Variants in UGGT2 observed in about 807,000 individuals in gnomAD.
The protein encoded by UGGT2 is UDP-glucose glycoprotein glucosyltransferase 2, also known as UDP-glucose:glycoprotein glucosyltransferase 2.
In UGGT2, 180 loss-of-function variants were observed where a neutral mutation model predicts 192.1. The observed-to-expected ratio is 0.94, with a 90% confidence interval of 0.83 to 1.06. The LOEUF (loss-of-function observed/expected upper bound fraction) is 1.06. Ranked by LOEUF, UGGT2 falls within the 50% of genes least tolerant of loss-of-function variation. The pLI is 0.00. For missense variants in UGGT2, 1,849 were observed against 1,795.7 expected, an observed-to-expected ratio of 1.03 and a Z score of -0.54; for synonymous variants, 580 against 591.0, an observed-to-expected ratio of 0.98 and a Z score of 0.27.
At chr13:95,925,813 T>C (rs2048998503) in intron 19 of UGGT2, 39 bp from the exon 20 acceptor site, 1 of 1,430,500 alleles carries the variant, frequency 7.0e-7, no homozygotes, top group Non-Finnish European at 9.4e-7. Context: ...TAACTTTTTT[T>C]TTAAAAAATA....
Position 95,957,592 on chromosome 13 carries a change from T to C in UGGT2, c.1336-8138A>G, listed in dbSNP as rs372171545. On this transcript the variant is annotated intron_variant, in intron 12 of 38. Transcript: ENST00000376747. Reference sequence around the variant, plus strand: ...AGAGACAACTCAGGGAAATGGGGCTTTGCAGAGTGTGGGGACAATGGGAGC... The same window carrying C: ...AGAGACAACTCAGGGAAATGGGGCTCTGCAGAGTGTGGGGACAATGGGAGC... Among the ~76,000 whole-genome samples the C allele has an allele frequency of 8.8e-4, 134 of 152,320 alleles. 4 individuals are homozygous for C. In the South Asian group the frequency reaches 0.027, roughly 30 times the overall value.
At chr13:95,813,938 T>C (rs368757435) in intron 38 of UGGT2, among the ~76,000 whole-genome samples, 1 of 152,198 alleles carries the variant, frequency 6.6e-6, no homozygotes, top group East Asian at 1.9e-4. Context: ...GTGCAAGCCA[T>C]TAGCCTCAGT....
intron 17 of UGGT2, 101 bp from the exon 18 acceptor site, chr13:95,927,437 A>C (rs2049055686): frequency 1.9e-6 from 2 of 1,027,962 alleles, no homozygotes; most frequent in Non-Finnish European, 2.7e-6. Context: ...AAAATAAATA[A>C]GCAATTTAGA....
chr13:95,835,800 A>G (rs1887216465), intron 37 of UGGT2, among the ~76,000 whole-genome samples: 1 of 152,250 alleles, frequency 6.6e-6, no homozygotes, highest in Admixed American at 6.5e-5. Flanking sequence ...CAACAAATAA[A>G]TTACTTTGAA....
At chr13:95,934,325 G>T (rs1254092419) in intron 17 of UGGT2, among the ~76,000 whole-genome samples, 1 of 152,194 alleles carries the variant, frequency 6.6e-6, no homozygotes, top group Non-Finnish European at 1.5e-5. Flanking sequence ...CAGCTGAAAA[G>T]AATAAATATT....
chr13:95,863,761 T>G, intron 30 of UGGT2, 47 bp from the exon 31 acceptor site: 1 of 1,441,434 alleles, frequency 6.9e-7, no homozygotes, highest in South Asian at 1.1e-5. Flanking sequence ...CTTTAAATAT[T>G]GTGCTGTATG....
intron 38 of UGGT2, among the ~76,000 whole-genome samples, chr13:95,813,111 T>G (rs1394838960): frequency 6.6e-6 from 1 of 152,174 alleles, no homozygotes; most frequent in East Asian, 1.9e-4. Context: ...AGAAAATTGG[T>G]ACCAAGGAGT....
intron 8 of UGGT2, among the ~76,000 whole-genome samples, chr13:95,989,054 A>G (rs1260537118): frequency 6.6e-6 from 1 of 152,140 alleles, no homozygotes; most frequent in Non-Finnish European, 1.5e-5. Context: ...GAGTTGGGAA[A>G]TGAGGAGTGA....
intron 20 of UGGT2, among the ~76,000 whole-genome samples, chr13:95,908,518 G>C (rs1348286384): frequency 2.0e-5 from 3 of 152,012 alleles, no homozygotes; most frequent in Non-Finnish European, 4.4e-5. Context: ...CTGAGGAATC[G>C]CCACACTGAC....
intron 1 of UGGT2, among the ~76,000 whole-genome samples, chr13:96,037,702 C>T (rs2053045696): frequency 6.6e-6 from 1 of 152,202 alleles, no homozygotes; most frequent in Admixed American, 6.5e-5. Context: ...ATTTCCCTCA[C>T]TTGCTCCCAC....
chr13:95,854,184 A>G (rs570920194), intron 35 of UGGT2, 131 bp downstream of exon 35: 2 of 928,302 alleles, frequency 2.2e-6, no homozygotes, highest in South Asian at 1.9e-5. Context: ...ACTGGCATGA[A>G]ATGAACACTA....
At chr13:95,911,869 A>T (rs1259664041) in intron 20 of UGGT2, among the ~76,000 whole-genome samples, 1 of 152,240 alleles carries the variant, frequency 6.6e-6, no homozygotes. Flanking sequence ...CCAGCAGCAC[A>T]TCAAAAAGCT....
At chr13:95,986,088 G>C (rs2051280834) in intron 9 of UGGT2, among the ~76,000 whole-genome samples, 1 of 151,824 alleles carries the variant, frequency 6.6e-6, no homozygotes, top group African/African-American at 2.4e-5. Flanking sequence ...AAATTTTTTA[G>C]GACTTTTTTT....
intron 36 of UGGT2, among the ~76,000 whole-genome samples, chr13:95,846,608 C>T (rs1345927285): frequency 1.3e-5 from 2 of 152,126 alleles, no homozygotes; most frequent in African/African-American, 2.4e-5. Context: ...GAAAAATATT[C>T]CCTTCTCTTC....
chr13:95,837,430 CT>C (rs1256797312), intron 36 of UGGT2, among the ~76,000 whole-genome samples: 2 of 152,198 alleles, frequency 1.3e-5, no homozygotes, highest in African/African-American at 4.8e-5. Context: ...GACTCTACCC[CT>C]GGGAACAAGG....
intron 2 of UGGT2, among the ~76,000 whole-genome samples, chr13:96,024,010 A>G (rs2139123227): frequency 6.6e-6 from 1 of 152,330 alleles, no homozygotes; most frequent in East Asian, 1.9e-4. Context: ...CTATTTGGAA[A>G]CACCAACATT....
chr13:95,827,969 G>A (rs1054810769), intron 38 of UGGT2, among the ~76,000 whole-genome samples: 4 of 152,010 alleles, frequency 2.6e-5, no homozygotes, highest in South Asian at 2.1e-4. Flanking sequence ...CCTATACCAC[G>A]ACTTCACCTT....
chr13:95,904,539 T>C (rs1211447876), intron 20 of UGGT2, among the ~76,000 whole-genome samples: 3 of 147,842 alleles, frequency 2.0e-5, no homozygotes, highest in Admixed American at 1.4e-4. Flanking sequence ...AGTGAGAATA[T>C]GCGGTGTTTG....
intron 27 of UGGT2, among the ~76,000 whole-genome samples, chr13:95,878,689 A>G (rs1440440291): frequency 1.3e-5 from 2 of 152,208 alleles, no homozygotes; most frequent in East Asian, 1.9e-4. Flanking sequence ...AATGTTACCT[A>G]TATCTAATCT....
Sources: gnomAD v4.1 joint callset for allele counts (sites outside exome capture counted in the v4.1 genomes callset) on GRCh38, gnomAD v4.1.1 for gene constraint, MANE v1.5 for transcripts, NCBI Gene and HGNC (gene_info 2026-07-23, HGNC 2026-07-21) for gene names.